CRTC3: variants seen among roughly 807,000 people sequenced by gnomAD.
CRTC3 encodes the protein CREB regulated transcription coactivator 3, also known as CREB-regulated transcription coactivator 3.
CRTC3 carries 26 observed loss-of-function variants against 74.5 expected under a neutral mutation model. That is an observed-to-expected ratio of 0.35 (90% CI 0.26 to 0.48). The LOEUF (loss-of-function observed/expected upper bound fraction) is 0.48. CRTC3 is among the 20% of genes least tolerant of loss of function. The pLI, the probability that CRTC3 is intolerant of heterozygous loss-of-function variation, is 0.99. For synonymous variants in CRTC3, 377 were observed against 325.8 expected (o/e 1.16, Z -1.69); for missense variants, 760 against 787.3 (o/e 0.97, Z 0.41).
chr15:90,614,559 T>G (rs1968440935), intron 7 of CRTC3, 71 bp downstream of exon 7: 10 of 1,002,768 alleles, frequency 1.0e-5, no homozygotes, highest in Non-Finnish European at 1.1e-5. Context: ...TCAATACCTT[T>G]ACTAATAAAT....
intron 2 of CRTC3, among the ~76,000 whole-genome samples, chr15:90,556,148 T>C (rs1379166031): frequency 6.6e-6 from 1 of 152,144 alleles, no homozygotes; most frequent in African/African-American, 2.4e-5. Context: ...ATAAGTATAA[T>C]TTTAATAGCT....
intron 2 of CRTC3, among the ~76,000 whole-genome samples, chr15:90,546,434 G>C (rs1966844448): frequency 6.6e-6 from 1 of 151,930 alleles, no homozygotes; most frequent in African/African-American, 2.4e-5. Context: ...TGTGTCATTG[G>C]TTTCTTTGTC....
chr15:90,562,563 C>T (rs1205514971), intron 2 of CRTC3, among the ~76,000 whole-genome samples: 2 of 152,154 alleles, frequency 1.3e-5, no homozygotes, highest in South Asian at 2.1e-4. Context: ...CCCCTGGAAC[C>T]ATCGTATGCC....
At chr15:90,547,057 G>A (rs1490304033) in intron 2 of CRTC3, among the ~76,000 whole-genome samples, 1 of 152,150 alleles carries the variant, frequency 6.6e-6, no homozygotes, top group African/African-American at 2.4e-5. Flanking sequence ...TTGAAGTTCA[G>A]TTGCTTATAA....
At chr15:90,631,736 AAAAAAT>A (rs1205540609) in intron 11 of CRTC3, among the ~76,000 whole-genome samples, 3 of 151,236 alleles carry the variant, frequency 2.0e-5, no homozygotes, top group African/African-American at 7.3e-5. Context: ...CAAAAAAAAA[AAAAAAT>A]TAGAATTAAA....
intron 2 of CRTC3, among the ~76,000 whole-genome samples, chr15:90,573,623 C>G (rs1234962817): frequency 3.3e-5 from 5 of 151,556 alleles, no homozygotes; most frequent in East Asian, 1.9e-4. Flanking sequence ...ATAGCTTGTT[C>G]TGTTTTTTAC....
chr15:90,574,333 C>T (rs1368967977), intron 2 of CRTC3, among the ~76,000 whole-genome samples: 1 of 151,974 alleles, frequency 6.6e-6, no homozygotes, highest in Non-Finnish European at 1.5e-5. Flanking sequence ...AAAAAATTAG[C>T]TGGGTGTGGT....
chr15:90,587,010 G>C (rs1165316123), intron 2 of CRTC3, among the ~76,000 whole-genome samples: 1 of 152,122 alleles, frequency 6.6e-6, no homozygotes, highest in Non-Finnish European at 1.5e-5. Context: ...TAAGATCTGG[G>C]GTTTCTAATT....
intron 11 of CRTC3, among the ~76,000 whole-genome samples, chr15:90,632,599 G>T (rs953668088): frequency 7.2e-5 from 11 of 151,984 alleles, no homozygotes; most frequent in Non-Finnish European, 1.2e-4. Context: ...AATCTCTTTG[G>T]TATAACCATG....
chr15:90,610,736 C>A (rs924931437), intron 6 of CRTC3, among the ~76,000 whole-genome samples: 3 of 152,220 alleles, frequency 2.0e-5, no homozygotes, highest in Admixed American at 6.5e-5. Flanking sequence ...GCACAGGACT[C>A]TGTGGGACAC....
rs1194421547 is a variant in CRTC3, at chr15:90,602,392, A to C, written c.413+7A>C. 1 of 1,526,870 alleles carries C rather than the reference A, an allele frequency of 6.5e-7. No individual in the cohort carries two copies. Among genetic ancestry groups the C allele is most frequent in the Admixed American group, 1.7e-5 (1 of 59,588 alleles). The allele number at this position is 1,526,870 out of a possible 1,614,324, so 94.6% of individuals were successfully genotyped here. ...TGGATGAGAGTTGGCCAAGGTAAGCAAGACATACTTTAAAAGATATGATGG... is the reference window on the plus strand; with the variant it reads ...TGGATGAGAGTTGGCCAAGGTAAGCCAGACATACTTTAAAAGATATGATGG... On this transcript the variant is annotated splice_region_variant and intron_variant, in intron 4 of 14. Coordinates refer to ENST00000268184, the MANE Select transcript of CRTC3 (RefSeq NM_022769.5).
chr15:90,639,122 C>T (rs1396697975), intron 13 of CRTC3, among the ~76,000 whole-genome samples: 8 of 152,130 alleles, frequency 5.3e-5, no homozygotes, highest in African/African-American at 1.7e-4. Context: ...CTCCTCAGCG[C>T]CCTCATGTTG....
At chr15:90,556,304 A>G (rs1218954070) in intron 2 of CRTC3, among the ~76,000 whole-genome samples, 2 of 152,174 alleles carry the variant, frequency 1.3e-5, no homozygotes, top group Non-Finnish European at 2.9e-5. Context: ...AGATTTCCAC[A>G]AGTAGAATTC....
chr15:90,591,848 G>T (rs1310363341), intron 2 of CRTC3, among the ~76,000 whole-genome samples: 3 of 152,178 alleles, frequency 2.0e-5, no homozygotes, highest in Non-Finnish European at 4.4e-5. Context: ...AGCACCTGAT[G>T]TCAGTTTGTC....
chr15:90,602,421 T>C (rs866182362), intron 4 of CRTC3, 36 bp downstream of exon 4: 1 of 1,127,664 alleles, frequency 8.9e-7, no homozygotes, highest in East Asian at 2.4e-5. Context: ...ATGATGGGCA[T>C]GTGTTATTTT....
intron 5 of CRTC3, among the ~76,000 whole-genome samples, chr15:90,607,116 C>T (rs140066342): frequency 2.8e-3 from 422 of 152,280 alleles, no homozygotes; most frequent in African/African-American, 8.7e-3. Flanking sequence ...CGAGGCCCAC[C>T]TTGTTGAACT....
At chr15:90,629,643 C>A (rs1968966930) in intron 11 of CRTC3, 111 bp downstream of exon 11, 2 of 1,053,896 alleles carry the variant, frequency 1.9e-6, no homozygotes, top group African/African-American at 1.6e-5. Context: ...CACCAAGCAC[C>A]CATGAGGTCT....
At chr15:90,582,094 T>C (rs547719819) in intron 2 of CRTC3, among the ~76,000 whole-genome samples, 9 of 152,388 alleles carry the variant, frequency 5.9e-5, no homozygotes, top group African/African-American at 1.7e-4. Flanking sequence ...TCTTCCCTTC[T>C]GCAGTTCCTT....
intron 8 of CRTC3, 112 bp from the exon 9 acceptor site, chr15:90,619,629 G>T (rs548079476): frequency 6.1e-6 from 5 of 824,722 alleles, no homozygotes; most frequent in Non-Finnish European, 1.0e-5. Flanking sequence ...CTGTCGACAC[G>T]CAAGCTCTCA....
Sources: gnomAD v4.1 joint callset for allele counts (sites outside exome capture counted in the v4.1 genomes callset) on GRCh38, gnomAD v4.1.1 for gene constraint, MANE v1.5 for transcripts, NCBI Gene and HGNC (gene_info 2026-07-23, HGNC 2026-07-21) for gene names.